The following GID4 variants were observed in gnomAD, a reference collection of about 807,000 sequenced individuals.
GID4 encodes the protein glucose-induced degradation protein 4 homolog.
A neutral mutation model predicts 32.4 loss-of-function variants in GID4; 7 were observed. The observed-to-expected ratio is 0.22, with a 90% CI of 0.12 to 0.41. The LOEUF is 0.41. Among genes scored for constraint, GID4 ranks in the 10% least tolerant of loss-of-function variants. The pLI, the probability that GID4 is intolerant of heterozygous loss-of-function variation, is 1.00. For synonymous variants in GID4, 166 were observed against 170.0 expected (o/e 0.98, Z 0.18); for missense variants, 309 against 400.0 (o/e 0.77, Z 1.94).
In GID4 at chr17:18,039,583, G is replaced by A. The variant is rs1348157956; in HGVS notation, c.119G>A (p.Gly40Asp). ...TTGCTCCGCAGGCAGCGGGCGGGTG[G>A]TCGCCCCTCCCGCCCCCACCCCGCG... ...ERLLRRQRAG[G>D]RPSRPHPARA... is the part of the protein sequence containing the mutation. The change falls in exon 1 of 6, where the codon GGT becomes GAT. Residue 40 changes from glycine (G) to aspartate (D), a missense_variant. Gly to Asp is a moderately conservative substitution (Grantham distance 94, BLOSUM62 -1). Coordinates refer to ENST00000268719, the MANE Select transcript of GID4 (RefSeq NM_024052.5). This position sits in a 1 kb window ranked among gnomAD's most constrained non-coding sequence, Gnocchi z 5.3. 49 of 1,303,206 alleles carry A rather than the reference G, an allele frequency of 3.8e-5. No individual in the cohort carries two copies. The East Asian group carries it at 1.5e-3, about 41-fold the overall frequency. 80.7% of individuals were successfully genotyped at this position (1,303,206 alleles called of 1,614,324 possible). A position where few individuals can be genotyped will look rare whatever the true frequency, so the allele number is the denominator to read the frequency against.
At chr17:18,050,722 C>T (rs555112097) in intron 2 of GID4, among the ~76,000 whole-genome samples, 6 of 152,204 alleles carry the variant, frequency 3.9e-5, no homozygotes, top group Non-Finnish European at 8.8e-5. Flanking sequence ...CATGGAAAGT[C>T]GTGGTACCTA....
rs1288200102 is a variant in GID4, at chr17:18,039,792, A to G, written c.328A>G (p.Ile110Val). ...GGCCTCACTCATCCCGCCGCCGCCC[A>G]TCAACACCCAGCAGCCCGGCGTGGC... The part of the protein sequence containing the change: ...SAASLIPPPP[I>V]NTQQPGVATS... Residue 110 changes from isoleucine (I) to valine (V), a missense_variant, in exon 1 of 6, where the codon ATC (isoleucine) becomes GTC (valine). Around this residue, in one of 2 missense-constraint regions of GID4, gnomAD observed 193 missense variants for 185.8 expected, o/e 1.04. Transcript: ENST00000268719. The surrounding 1 kb of genome is among the most constrained non-coding windows in gnomAD (Gnocchi z 5.3). 5.7e-6 allele frequency: 9 copies of G among 1,576,484 alleles called. No homozygotes were observed. The highest frequency in any genetic ancestry group is 2.5e-5 in the East Asian group (1 of 40,612).
At chr17:18,062,893 G>A (rs2045028306) in intron 5 of GID4, among the ~76,000 whole-genome samples, 1 of 150,006 alleles carries the variant, frequency 6.7e-6, no homozygotes, top group Non-Finnish European at 1.5e-5. Context: ...GGCTAACACG[G>A]TGAAACCCCG....
rs750112471 is a variant in GID4, at chr17:18,045,150, G to A, written c.442G>A (p.Val148Met). The A allele has an allele frequency of 2.6e-5, 42 of 1,612,466 alleles. No homozygotes were observed. In the East Asian group the frequency reaches 6.2e-4, roughly 24 times the overall value. The stretch of plus-strand genomic sequence containing the variant: ...GCTGTGTATCCTTTCTTTTCAGCAC[G>A]TGGACACGGGGAACTCTTACCTTTG... Reference protein sequence around the residue: ...SYDVEVVLQHVDTGNSYLCGY... With the variant: ...SYDVEVVLQHMDTGNSYLCGY... Residue 148 changes from valine to methionine, a missense_variant, in exon 2 of 6, where the codon GTG becomes ATG. By Grantham distance (21) the Val-to-Met change is conservative. This residue lies in a region of GID4 where 116 missense variants were observed against 214.2 expected (regional missense o/e 0.54). Transcript: ENST00000268719.
intron 2 of GID4, among the ~76,000 whole-genome samples, chr17:18,049,381 A>G (rs903392500): frequency 6.7e-5 from 10 of 149,502 alleles, no homozygotes; most frequent in Non-Finnish European, 1.3e-4. Flanking sequence ...AAAAAAAAGG[A>G]GCTAAATGGC....
Position 18,039,610 on chromosome 17 carries a change from G to A in GID4, c.146G>A (p.Arg49His). 2 of 1,027,680 alleles carry A rather than the reference G, an allele frequency of 1.9e-6. No homozygotes were observed. The highest frequency in any genetic ancestry group is 2.4e-6 in the Non-Finnish European group (2 of 850,368). The allele number at this position is 1,027,680 out of a possible 1,614,324, so 63.7% of individuals were successfully genotyped here. ...CGCCCCTCCCGCCCCCACCCCGCGC[G>A]TGCGCGCCCCGGCCTCTCCCTCCCC... is the stretch of plus-strand genomic sequence containing the variant. ...GGRPSRPHPA[R>H]ARPGLSLPAT... The change falls in exon 1 of 6, where the codon CGT (arginine) becomes CAT (histidine). Residue 49 changes from arginine to histidine, a missense_variant. By Grantham distance (29) the Arg-to-His change is conservative. This residue lies in a region of GID4 where 193 missense variants were observed against 185.8 expected (regional missense o/e 1.04). Coordinates refer to ENST00000268719, the MANE Select transcript of GID4 (RefSeq NM_024052.5). This position sits in a 1 kb window ranked among gnomAD's most constrained non-coding sequence, Gnocchi z 5.3.
chr17:18,039,420 GTGTGTGTT>G lies in GID4; in HGVS notation c.-36_-29del, dbSNP rs970604465. The G allele has an allele frequency of 7.8e-7, 1 of 1,274,872 alleles. No homozygotes were observed. The highest frequency in any genetic ancestry group is 1.0e-6 in the Non-Finnish European group (1 of 963,854). 79.0% of individuals were successfully genotyped at this position (1,274,872 alleles called of 1,614,324 possible). A position where few individuals can be genotyped will look rare whatever the true frequency, so the allele number is the denominator to read the frequency against. On this transcript the variant is annotated 5_prime_UTR_variant, in exon 1 of 6. Coordinates refer to ENST00000268719, the MANE Select transcript of GID4 (RefSeq NM_024052.5). The surrounding 1 kb of genome is among the most constrained non-coding windows in gnomAD (Gnocchi z 5.3). The stretch of plus-strand genomic sequence containing the variant: ...GAAGGGGCGGGGTGTGTGTGTGTCT[GTGTGTGTT>G]TGTGTGTTGTGTGTCTGTGAGTGTC...
At chr17:18,047,740 T>C (rs2044868630) in intron 2 of GID4, among the ~76,000 whole-genome samples, 2 of 152,232 alleles carry the variant, frequency 1.3e-5, no homozygotes, top group African/African-American at 4.8e-5. Context: ...GGGTGTTGCG[T>C]TAAAGCAAGT....
chr17:18,058,528 C>G (rs2044990742), intron 3 of GID4, among the ~76,000 whole-genome samples: 1 of 152,226 alleles, frequency 6.6e-6, no homozygotes, highest in African/African-American at 2.4e-5. Context: ...GATTTACTTG[C>G]AGAGGTCTTC....
intron 3 of GID4, among the ~76,000 whole-genome samples, chr17:18,058,369 G>C (rs1024354411): frequency 6.6e-6 from 1 of 152,130 alleles, no homozygotes. Flanking sequence ...GATATCGAAG[G>C]ACAAGGCTAT....
Position 18,060,937 on chromosome 17 carries a change from A to G in GID4, c.709-908A>G, listed in dbSNP as rs1165757039. ...TTTAGTAGAGACGGGTTTTCGCCAT[A>G]TTGGCCAGGCTGGTCTCAAACTCCT... is the stretch of plus-strand genomic sequence containing the variant. On this transcript the variant is annotated intron_variant, in intron 4 of 5. Coordinates refer to ENST00000268719, the MANE Select transcript of GID4 (RefSeq NM_024052.5). 2.0e-5 allele frequency among the ~76,000 whole-genome samples: 3 copies of G among 152,108 alleles called. No individual in the cohort carries two copies. The East Asian group carries it at 5.8e-4, about 29-fold the overall frequency.
In GID4 at chr17:18,061,377, C is replaced by G. The variant is rs2045016363; in HGVS notation, c.709-468C>G. On this transcript the variant is annotated intron_variant, in intron 4 of 5. Coordinates refer to ENST00000268719, the MANE Select transcript of GID4 (RefSeq NM_024052.5). The surrounding 1 kb of genome is among the most constrained non-coding windows in gnomAD (Gnocchi z 4.4). ...GGGGTGTCACAGGGGCTACTGGCAA[C>G]TGCTTTGCACTCAGAATGGTCCACA... 6.6e-6 allele frequency among the ~76,000 whole-genome samples: 1 copy of G among 152,186 alleles called. No individual in the cohort carries two copies. The highest frequency in any genetic ancestry group is 1.5e-5 in the Non-Finnish European group (1 of 68,040).
chr17:18,057,221 C>T (rs1597697316), intron 3 of GID4: 2 of 608,268 alleles, frequency 3.3e-6, no homozygotes, highest in African/African-American at 3.7e-5. Context: ...CACCTGAGGT[C>T]AGGAGTTCGA....
At chr17:18,051,848 G>T (rs1742286269) in intron 2 of GID4, among the ~76,000 whole-genome samples, 1 of 152,172 alleles carries the variant, frequency 6.6e-6, no homozygotes, top group Admixed American at 6.5e-5. Flanking sequence ...GCCGAGGCGG[G>T]TGGATCATGA....
intron 5 of GID4, among the ~76,000 whole-genome samples, chr17:18,062,429 G>A (rs745683591): frequency 1.3e-5 from 2 of 152,174 alleles, no homozygotes; most frequent in Non-Finnish European, 2.9e-5. Flanking sequence ...GGGGGCCTGT[G>A]AGTGGACAGT....
intron 4 of GID4, among the ~76,000 whole-genome samples, chr17:18,060,068 G>C (rs1170325641): frequency 1.7e-5 from 2 of 118,554 alleles, no homozygotes; most frequent in African/African-American, 3.3e-5. Context: ...CCTGGCGACA[G>C]AGCAAGACTC....
At chr17:18,041,844 C>G (rs1475194997) in intron 1 of GID4, among the ~76,000 whole-genome samples, 2 of 152,196 alleles carry the variant, frequency 1.3e-5, no homozygotes, top group Non-Finnish European at 1.5e-5. Context: ...AATCATGAAC[C>G]AGGGGAAGCA....
intron 5 of GID4, among the ~76,000 whole-genome samples, chr17:18,063,538 C>T (rs907700764): frequency 1.3e-5 from 2 of 152,126 alleles, no homozygotes; most frequent in African/African-American, 4.8e-5. Context: ...ACTCCTCATC[C>T]CCTCTGAGCC....
chr17:18,058,998 C>A, intron 4 of GID4, 29 bp downstream of exon 4: 1 of 1,352,434 alleles, frequency 7.4e-7, no homozygotes, highest in Non-Finnish European at 1.1e-6. Flanking sequence ...GCCCTCCAGA[C>A]TCCCAGCAAG....
Sources: gnomAD v4.1 joint callset for allele counts (sites outside exome capture counted in the v4.1 genomes callset) on GRCh38, gnomAD v4.1.1 for gene constraint, gnomAD v4.1.1 regional missense constraint, Gnocchi (gnomAD v3.1) non-coding constraint, MANE v1.5 for transcripts, NCBI Gene and HGNC (gene_info 2026-07-23, HGNC 2026-07-21) for gene names.